Variants in SMG6 observed in about 807,000 individuals in gnomAD.
SMG6 encodes telomerase-binding protein EST1A.
A neutral mutation model predicts 142.2 loss-of-function variants in SMG6; 66 were observed. The observed-to-expected ratio is 0.46, with a 90% confidence interval of 0.38 to 0.57. SMG6 has a LOEUF of 0.57. SMG6 is among the 20% of genes least tolerant of loss of function. SMG6 has a pLI of 0.00. For missense variants in SMG6, 1,793 were observed against 1,832.0 expected (o/e 0.98, Z 0.39); for synonymous variants, 779 against 702.4 (o/e 1.11, Z -1.72).
chr17:2,083,228 A>T (rs1461658401), intron 14 of SMG6, among the ~76,000 whole-genome samples: 1 of 152,130 alleles, frequency 6.6e-6, no homozygotes, highest in Non-Finnish European at 1.5e-5. Context: ...TTCAGTACAG[A>T]CTGCTCTCTT....
chr17:2,164,280 G>C (rs970372500), intron 13 of SMG6, among the ~76,000 whole-genome samples: 1 of 146,914 alleles, frequency 6.8e-6, no homozygotes, highest in Admixed American at 6.8e-5. Flanking sequence ...AAAATTAGCC[G>C]GGCATGGTGG....
At position 2,297,365 on chromosome 17, in the gene SMG6, A is replaced by G. The variant is rs760455814; in HGVS notation, c.2041-12T>C. 1.9e-6 allele frequency: 3 copies of G among 1,584,222 alleles called. No individual in the cohort carries two copies. In the African/African-American group the frequency reaches 4.1e-5, roughly 22 times the overall value. The stretch of plus-strand genomic sequence containing the variant: ...AAGAAGTCACTACCCTATAAAAAGA[A>G]AAAAAGAAATGACTGAATCAATCTA... On this transcript the variant is annotated splice_polypyrimidine_tract_variant and intron_variant, in intron 3 of 18. Coordinates refer to ENST00000263073, the MANE Select transcript of SMG6 (RefSeq NM_017575.5).
At chr17:2,207,391 A>T (rs2072720617) in intron 10 of SMG6, among the ~76,000 whole-genome samples, 1 of 152,206 alleles carries the variant, frequency 6.6e-6, no homozygotes, top group Non-Finnish European at 1.5e-5. Context: ...GATACCTGCT[A>T]TCTAATGCAG....
intron 8 of SMG6, among the ~76,000 whole-genome samples, chr17:2,274,467 T>C (rs2074605551): frequency 2.0e-5 from 3 of 152,112 alleles, no homozygotes; most frequent in Admixed American, 6.6e-5. Flanking sequence ...GATAATGATA[T>C]GTAACAGAAG....
At chr17:2,198,363 T>C (rs1207513034) in intron 10 of SMG6, among the ~76,000 whole-genome samples, 1 of 152,224 alleles carries the variant, frequency 6.6e-6, no homozygotes, top group Non-Finnish European at 1.5e-5. Context: ...GGGATGGTTC[T>C]AAAGCATAGA....
chr17:2,271,517 C>T lies in SMG6; in HGVS notation c.2661+11130G>A, dbSNP rs1035266596. On this transcript the variant is annotated intron_variant, in intron 8 of 18. Coordinates refer to ENST00000263073, the MANE Select transcript of SMG6 (RefSeq NM_017575.5). The stretch of plus-strand genomic sequence containing the variant: ...TCACCTGAGGTCAGGAGTTCGAGAC[C>T]AGCCTGGCCAACACGGTGAAACCCC... 2.0e-5 allele frequency among the ~76,000 whole-genome samples: 3 copies of T among 151,856 alleles called. No homozygotes were observed. In the East Asian group the frequency reaches 5.9e-4, roughly 30 times the overall value.
chr17:2,066,412 G>A (rs2067951563), intron 16 of SMG6, among the ~76,000 whole-genome samples: 1 of 151,082 alleles, frequency 6.6e-6, no homozygotes, highest in South Asian at 2.1e-4. Context: ...CTCCCTATGT[G>A]TCTGGGACAT....
chr17:2,100,544 T>C (rs1283665281), intron 13 of SMG6, among the ~76,000 whole-genome samples: 1 of 152,214 alleles, frequency 6.6e-6, no homozygotes, highest in East Asian at 1.9e-4. Flanking sequence ...TGAATTAGTA[T>C]TTCTTGAGAT....
intron 8 of SMG6, among the ~76,000 whole-genome samples, chr17:2,281,412 A>T (rs2074783238): frequency 6.6e-6 from 1 of 152,128 alleles, no homozygotes. Flanking sequence ...TACAGATGGG[A>T]GCCACCACAC....
intron 13 of SMG6, among the ~76,000 whole-genome samples, chr17:2,160,568 G>A (rs1190263153): frequency 6.6e-6 from 1 of 152,114 alleles, no homozygotes; most frequent in Non-Finnish European, 1.5e-5. Flanking sequence ...AGTGGCTCAT[G>A]CCTGTAATTC....
At chr17:2,124,814 C>T (rs1318337836) in intron 13 of SMG6, among the ~76,000 whole-genome samples, 6 of 152,120 alleles carry the variant, frequency 3.9e-5, no homozygotes, top group East Asian at 1.9e-4. Context: ...TTATTTACAG[C>T]GTTTATTCTT....
intron 10 of SMG6, among the ~76,000 whole-genome samples, chr17:2,224,214 C>T (rs565883749): frequency 6.6e-6 from 1 of 152,138 alleles, no homozygotes; most frequent in East Asian, 1.9e-4. Flanking sequence ...CTGATGAACT[C>T]GAGCTTTGCT....
At chr17:2,251,268 TAA>T (rs777571597) in intron 8 of SMG6, among the ~76,000 whole-genome samples, 14 of 136,432 alleles carry the variant, frequency 1.0e-4, no homozygotes, top group Admixed American at 1.5e-4. Flanking sequence ...ATATACAGAT[TAA>T]AAAAAAAAAA....
intron 13 of SMG6, chr17:2,087,887 G>C (rs2232481): frequency 2.0e-6 from 2 of 985,604 alleles, no homozygotes; most frequent in African/African-American, 1.8e-5. Flanking sequence ...CCACCTTGTC[G>C]TTACAGTGTG....
chr17:2,283,984 G>A (rs2074848910), intron 6 of SMG6, among the ~76,000 whole-genome samples: 1 of 152,156 alleles, frequency 6.6e-6, no homozygotes. Context: ...AGGAGAGAAA[G>A]GAATAAACAG....
intron 6 of SMG6, among the ~76,000 whole-genome samples, chr17:2,285,893 G>A (rs955744108): frequency 6.6e-6 from 1 of 151,672 alleles, no homozygotes; most frequent in Non-Finnish European, 1.5e-5. Context: ...AGGCTGGTCT[G>A]GAACTCATGA....
chr17:2,088,906 A>C, intron 13 of SMG6: 3 of 913,042 alleles, frequency 3.3e-6, no homozygotes, highest in Non-Finnish European at 3.9e-6. Context: ...TAGGAGACTT[A>C]CGGGAATATT....
chr17:2,260,555 C>T (rs544159325), intron 8 of SMG6, among the ~76,000 whole-genome samples: 1 of 152,324 alleles, frequency 6.6e-6, no homozygotes, highest in African/African-American at 2.4e-5. Flanking sequence ...ATTCTCTCTT[C>T]GTCCTCTGTC....
In SMG6 at chr17:2,127,898, T is replaced by C. The variant is rs1001044259; in HGVS notation, c.3358-41997A>G. On this transcript the variant is annotated intron_variant, in intron 13 of 18. Coordinates refer to ENST00000263073, the MANE Select transcript of SMG6 (RefSeq NM_017575.5). ...TTGGTGGCCATATCTTTGTAGACGA[T>C]GTCCACGTTGGCCTCCAGTACCTGG... 7.1e-6 allele frequency: 4 copies of C among 566,730 alleles called. No individual in the cohort carries two copies. In the East Asian group the frequency reaches 1.4e-4, roughly 20 times the overall value. 35.1% of individuals were successfully genotyped at this position (566,730 alleles called of 1,614,324 possible). A position where few individuals can be genotyped will look rare whatever the true frequency, so the allele number is the denominator to read the frequency against.
Sources: gnomAD v4.1 joint callset for allele counts (sites outside exome capture counted in the v4.1 genomes callset) on GRCh38, gnomAD v4.1.1 for gene constraint, MANE v1.5 for transcripts, NCBI Gene and HGNC (gene_info 2026-07-23, HGNC 2026-07-21) for gene names.